NRXN3: variants seen among roughly 807,000 people sequenced by gnomAD.
NRXN3 encodes neurexin 3, also known as neurexin III.
A neutral mutation model predicts 137.6 loss-of-function variants in NRXN3; 32 were observed. That is an observed-to-expected ratio of 0.23 (90% CI 0.18 to 0.31). The LOEUF is 0.31. Among genes scored for constraint, NRXN3 ranks in the 10% least tolerant of loss-of-function variants. NRXN3 has a pLI of 1.00. For missense variants in NRXN3, 1,574 were observed against 2,062.5 expected (o/e 0.76, Z 4.59); for synonymous variants, 798 against 784.5 (o/e 1.02, Z -0.29).
chr14:79,569,982 G>A lies in NRXN3; in HGVS notation c.3445-93796G>A, dbSNP rs566142196. Among the ~76,000 whole-genome samples, 5 of 152,224 alleles carry A rather than the reference G, an allele frequency of 3.3e-5. No individual in the cohort carries two copies. In the East Asian group the frequency reaches 5.8e-4, roughly 18 times the overall value. On this transcript the variant is annotated intron_variant, in intron 16 of 20. Coordinates refer to ENST00000335750, the MANE Select transcript of NRXN3 (RefSeq NM_001330195.2). ...CATCACCAGAAGGGATACACCCTTC[G>A]GTGTCCCCAGGCCTTGCTGGCTTGC...
intron 4 of NRXN3, among the ~76,000 whole-genome samples, chr14:78,577,237 A>G (rs912399643): frequency 1.3e-5 from 2 of 152,200 alleles, no homozygotes; most frequent in East Asian, 3.8e-4. Flanking sequence ...TTTGCTGCCT[A>G]CACCAGCAGT....
intron 15 of NRXN3, among the ~76,000 whole-genome samples, chr14:79,218,953 G>C (rs1473260250): frequency 6.6e-6 from 1 of 152,120 alleles, no homozygotes; most frequent in Non-Finnish European, 1.5e-5. Flanking sequence ...TGGTTAGCAA[G>C]GTCTTGTAAT....
chr14:78,266,540 G>T (rs192559630), intron 2 of NRXN3, among the ~76,000 whole-genome samples: 1 of 151,920 alleles, frequency 6.6e-6, no homozygotes. Flanking sequence ...CTCATGATCC[G>T]CCCACCTTGG....
intron 1 of NRXN3, among the ~76,000 whole-genome samples, chr14:78,197,637 G>A (rs974530231): frequency 1.6e-4 from 25 of 152,304 alleles, no homozygotes; most frequent in African/African-American, 5.5e-4. Context: ...CTTCCTGGTG[G>A]AGCAGTATTG....
chr14:78,987,196 A>G (rs1356127082), intron 14 of NRXN3, among the ~76,000 whole-genome samples: 1 of 152,116 alleles, frequency 6.6e-6, no homozygotes, highest in African/African-American at 2.4e-5. Flanking sequence ...GTGAGCTCCA[A>G]GCGTTTGCAT....
In NRXN3 at chr14:78,880,234, C is replaced by T. The variant is rs1259099556; in HGVS notation, c.2275+69890C>T. Among the ~76,000 whole-genome samples, 19 of 114,232 alleles carry T rather than the reference C, an allele frequency of 1.7e-4. 1 individual carries two copies. Among genetic ancestry groups the T allele is most frequent in the African/African-American group, 6.5e-4 (15 of 22,942 alleles). The allele number at this position is 114,232 out of a possible 152,430, so 74.9% of individuals were successfully genotyped here. A position where few individuals can be genotyped will look rare whatever the true frequency, so the allele number is the denominator to read the frequency against. Reference sequence around the variant, plus strand: ...CAGCCTGGGCGACAGAGCGAGACTCCGTCTCAAAAAAAAAAAAAAAAAAAA... The same window carrying T: ...CAGCCTGGGCGACAGAGCGAGACTCTGTCTCAAAAAAAAAAAAAAAAAAAA... On this transcript the variant is annotated intron_variant, in intron 10 of 20. Coordinates refer to ENST00000335750, the MANE Select transcript of NRXN3 (RefSeq NM_001330195.2).
At chr14:79,352,378 C>T (rs763046514) in intron 15 of NRXN3, among the ~76,000 whole-genome samples, 14 of 152,102 alleles carry the variant, frequency 9.2e-5, no homozygotes, top group Non-Finnish European at 1.5e-4. Flanking sequence ...ACCCTAGGAT[C>T]TTCTTCTATT....
intron 4 of NRXN3, among the ~76,000 whole-genome samples, chr14:78,582,607 C>T (rs911769467): frequency 2.0e-5 from 3 of 152,172 alleles, no homozygotes; most frequent in African/African-American, 7.2e-5. Flanking sequence ...CAGTCTCACC[C>T]TCACTTGCCC....
At chr14:78,625,464 A>G (rs960250639) in intron 4 of NRXN3, among the ~76,000 whole-genome samples, 1 of 152,158 alleles carries the variant, frequency 6.6e-6, no homozygotes, top group African/African-American at 2.4e-5. Flanking sequence ...GCTTGTGACT[A>G]ATAGAAAACC....
At chr14:78,295,674 C>T (rs930225449) in intron 3 of NRXN3, among the ~76,000 whole-genome samples, 1 of 152,120 alleles carries the variant, frequency 6.6e-6, no homozygotes, top group Non-Finnish European at 1.5e-5. Flanking sequence ...CACTCCTTCC[C>T]AAAATTCTGA....
chr14:78,450,424 A>G (rs1029893090), intron 4 of NRXN3, among the ~76,000 whole-genome samples: 2 of 152,154 alleles, frequency 1.3e-5, no homozygotes, highest in African/African-American at 4.8e-5. Flanking sequence ...GAGGCTGGGT[A>G]GGGCAGGAAC....
chr14:78,523,211 C>T (rs1359282477), intron 4 of NRXN3, among the ~76,000 whole-genome samples: 2 of 152,126 alleles, frequency 1.3e-5, no homozygotes, highest in African/African-American at 4.8e-5. Flanking sequence ...CCAACAAATA[C>T]CATTTGTGCC....
intron 16 of NRXN3, among the ~76,000 whole-genome samples, chr14:79,535,007 T>A (rs2097199323): frequency 6.6e-6 from 1 of 152,186 alleles, no homozygotes. Context: ...AAAGAAAGAA[T>A]GTAATAGATA....
At chr14:78,960,777 CT>C (rs2099406568) in intron 11 of NRXN3, among the ~76,000 whole-genome samples, 1 of 152,154 alleles carries the variant, frequency 6.6e-6, no homozygotes, top group Admixed American at 6.5e-5. Flanking sequence ...TTCTTGTTGA[CT>C]TTTCCTGTCC....
chr14:78,959,797 G>C (rs1205552606), intron 11 of NRXN3, among the ~76,000 whole-genome samples: 1 of 152,070 alleles, frequency 6.6e-6, no homozygotes, highest in African/African-American at 2.4e-5. Context: ...TCCTGCAAAG[G>C]ATAAGTCACA....
intron 19 of NRXN3, among the ~76,000 whole-genome samples, chr14:79,796,723 C>A (rs140303299): frequency 6.6e-6 from 1 of 152,056 alleles, no homozygotes; most frequent in African/African-American, 2.4e-5. Context: ...TTATAAGTCA[C>A]GTCATTCTTT....
chr14:79,697,652 C>A lies in NRXN3; in HGVS notation c.3729C>A (p.Asn1243Lys), dbSNP rs1324747045. The A allele has an allele frequency of 6.2e-7, 1 of 1,612,184 alleles. No individual in the cohort carries two copies. The change falls in exon 19 of 21, where the codon AAC (asparagine) becomes AAA (lysine). Residue 1243 changes from asparagine (N) to lysine (K), a missense_variant. Physicochemically the swap from Asn to Lys is moderately conservative, Grantham distance 94 (BLOSUM62 0). This residue lies in a region of NRXN3 where 133 missense variants were observed against 241.8 expected (regional missense o/e 0.55). Coordinates refer to ENST00000335750, the MANE Select transcript of NRXN3 (RefSeq NM_001330195.2). The stretch of plus-strand genomic sequence containing the variant: ...TAGGCCGGCAGTTAACCATCTTCAA[C>A]ACTCAGGCGCAAATAGCCATTGGTG... ...QEKGRQLTIF[N>K]TQAQIAIGGK...
intron 1 of NRXN3, among the ~76,000 whole-genome samples, chr14:78,192,234 C>T (rs529896778): frequency 9.2e-5 from 14 of 152,044 alleles, no homozygotes; most frequent in Non-Finnish European, 1.5e-4. Context: ...TAAACTGATA[C>T]GGGCACTCAG....
intron 15 of NRXN3, among the ~76,000 whole-genome samples, chr14:79,302,693 T>C (rs2085347669): frequency 6.6e-6 from 1 of 151,760 alleles, no homozygotes; most frequent in Non-Finnish European, 1.5e-5. Context: ...CTCAGGAGGT[T>C]TGATTGTTTA....
Sources: allele counts gnomAD v4.1 joint callset (sites outside exome capture counted in the v4.1 genomes callset), GRCh38; gene constraint gnomAD v4.1.1; regional missense constraint gnomAD v4.1.1; transcripts MANE v1.5; gene names NCBI Gene and HGNC (gene_info 2026-07-23, HGNC 2026-07-21).